Variants in PCDHA7 observed in about 807,000 individuals in gnomAD.
PCDHA7 encodes the protein protocadherin alpha 7.
PCDHA7 carries 37 observed loss-of-function variants against 57.2 expected under a neutral mutation model. The observed-to-expected ratio is 0.65, with a 90% CI of 0.50 to 0.85. The LOEUF is 0.85. Among genes scored for constraint, PCDHA7 ranks in the 40% least tolerant of loss-of-function variants. The pLI is 0.00. For missense variants in PCDHA7, 1,188 were observed against 1,241.8 expected, an observed-to-expected ratio of 0.96 and a Z score of 0.65; for synonymous variants, 553 against 558.8, an observed-to-expected ratio of 0.99 and a Z score of 0.15.
At position 140,845,398 on chromosome 5, in the gene PCDHA7, G is replaced by A. The variant is rs1272388366; in HGVS notation, c.2355+8660G>A. Among the ~76,000 whole-genome samples the A allele has an allele frequency of 2.0e-5, 3 of 149,302 alleles. 1 individual carries two copies. The highest frequency in any genetic ancestry group is 4.5e-5 in the Non-Finnish European group (3 of 66,780). ...ATAGGAGGATTCTTTCCACCACCTA[G>A]CATTGTATTTGGCAATTTATCATTT... On this transcript the variant is annotated intron_variant, in intron 1 of 3. Coordinates refer to ENST00000525929, the MANE Select transcript of PCDHA7 (RefSeq NM_018910.3).
chr5:140,842,888 C>G, intron 1 of PCDHA7: 1 of 1,593,820 alleles, frequency 6.3e-7, no homozygotes, highest in South Asian at 1.1e-5. Flanking sequence ...GCTGCAGCCG[C>G]TGGACCACGA....
chr5:140,895,225 G>GT, intron 1 of PCDHA7, among the ~76,000 whole-genome samples: 1 of 152,168 alleles, frequency 6.6e-6, no homozygotes, highest in African/African-American at 2.4e-5. Context: ...ATTTTACTGA[G>GT]TTTTCTCATC....
intron 1 of PCDHA7, among the ~76,000 whole-genome samples, chr5:140,896,197 T>G (rs911999135): frequency 2.0e-5 from 3 of 152,280 alleles, no homozygotes; most frequent in Non-Finnish European, 2.9e-5. Flanking sequence ...AGTGCCATGA[T>G]GAACATACAC....
At chr5:140,864,401 G>T (rs570935613) in intron 1 of PCDHA7, 2 of 152,328 alleles carry the variant, frequency 1.3e-5, no homozygotes, top group South Asian at 4.1e-4. Context: ...ATGGTGATGA[G>T]CAGGGTTGAG....
chr5:140,918,406 G>A (rs1382905411), intron 1 of PCDHA7, among the ~76,000 whole-genome samples: 2 of 152,076 alleles, frequency 1.3e-5, no homozygotes, highest in Non-Finnish European at 2.9e-5. Context: ...GATTTCTCTG[G>A]CCAGGACTTC....
chr5:140,981,185 T>C (rs2096921770), intron 2 of PCDHA7, among the ~76,000 whole-genome samples: 1 of 152,224 alleles, frequency 6.6e-6, no homozygotes. Flanking sequence ...TAGTTCAAGT[T>C]TGCCTGCTCT....
chr5:140,868,199 A>G (rs1367327575), intron 1 of PCDHA7: 2 of 152,150 alleles, frequency 1.3e-5, no homozygotes, highest in East Asian at 1.9e-4. Flanking sequence ...TATGGCTTAC[A>G]TTAGAAATAA....
chr5:140,906,192 C>G (rs2072444836), intron 1 of PCDHA7, among the ~76,000 whole-genome samples: 1 of 152,182 alleles, frequency 6.6e-6, no homozygotes, highest in Non-Finnish European at 1.5e-5. Context: ...TCAATCCAAT[C>G]AAGTTGACAC....
chr5:140,858,813 G>A, intron 1 of PCDHA7: 1 of 351,180 alleles, frequency 2.8e-6, no homozygotes, highest in South Asian at 3.4e-5. Flanking sequence ...ATTTTGATTT[G>A]ATTGTATTTG....
chr5:140,964,363 G>A (rs1050460842), intron 1 of PCDHA7, among the ~76,000 whole-genome samples: 1 of 152,188 alleles, frequency 6.6e-6, no homozygotes, highest in Non-Finnish European at 1.5e-5. Flanking sequence ...GATGACAAGA[G>A]TGCTGAAAGG....
chr5:140,851,342 C>G, intron 1 of PCDHA7: 1 of 978,740 alleles, frequency 1.0e-6, no homozygotes, highest in Non-Finnish European at 1.2e-6. Context: ...CTCTACATTT[C>G]TCTGGATGGA....
intron 1 of PCDHA7, among the ~76,000 whole-genome samples, chr5:140,886,739 T>C (rs1411142692): frequency 6.6e-6 from 1 of 151,488 alleles, no homozygotes; most frequent in Non-Finnish European, 1.5e-5. Context: ...AGCAAGAGAA[T>C]TGCTTGAACC....
At position 140,896,858 on chromosome 5, in the gene PCDHA7, A is replaced by T. The variant is rs1448787828; in HGVS notation, c.2355+60120A>T. On this transcript the variant is annotated intron_variant, in intron 1 of 3. Coordinates refer to ENST00000525929, the MANE Select transcript of PCDHA7 (RefSeq NM_018910.3). Reference sequence around the variant, plus strand: ...TATTTTTTAATTTTATGGGTACATAATAAGTGTACATATTTATGGGGTATA... The same window carrying T: ...TATTTTTTAATTTTATGGGTACATATTAAGTGTACATATTTATGGGGTATA... Among the ~76,000 whole-genome samples, 3 of 152,310 alleles carry T rather than the reference A, an allele frequency of 2.0e-5. No homozygotes were observed. In the South Asian group the frequency reaches 6.2e-4, roughly 32 times the overall value.
chr5:140,984,258 CA>C (rs1563514144), intron 3 of PCDHA7, among the ~76,000 whole-genome samples: 1 of 152,262 alleles, frequency 6.6e-6, no homozygotes, highest in East Asian at 1.9e-4. Context: ...TGGTAAGCCA[CA>C]AACTAACTTT....
At chr5:140,928,350 T>A in intron 1 of PCDHA7, 1 of 1,614,098 alleles carries the variant, frequency 6.2e-7, no homozygotes, top group Non-Finnish European at 8.5e-7. Context: ...AGCTGTTGGA[T>A]GTTATCTCTG....
intron 1 of PCDHA7, among the ~76,000 whole-genome samples, chr5:140,951,775 A>G (rs1554220072): frequency 1.3e-5 from 2 of 152,164 alleles, no homozygotes; most frequent in African/African-American, 4.8e-5. Context: ...ACGTTCTTAC[A>G]TTGCAAAATA....
chr5:140,963,175 T>C (rs1408160891), intron 1 of PCDHA7, among the ~76,000 whole-genome samples: 1 of 152,046 alleles, frequency 6.6e-6, no homozygotes, highest in East Asian at 1.9e-4. Context: ...ATCTTACAGA[T>C]ATGCTGTAGA....
chr5:141,009,315 C>G (rs1292643535), intron 3 of PCDHA7, among the ~76,000 whole-genome samples: 2 of 152,132 alleles, frequency 1.3e-5, no homozygotes, highest in Admixed American at 6.6e-5. Context: ...AAAAGCTAGC[C>G]TGGCATGGGA....
chr5:140,941,403 G>A lies in PCDHA7; in HGVS notation c.2356-37546G>A, dbSNP rs527986544. Among the ~76,000 whole-genome samples, 769 of 142,382 alleles carry A rather than the reference G, an allele frequency of 5.4e-3. 3 individuals carry two copies. The highest frequency in any genetic ancestry group is 0.019 in the African/African-American group (737 of 38,338). The allele number at this position is 142,382 out of a possible 152,430, so 93.4% of individuals were successfully genotyped here. On this transcript the variant is annotated intron_variant, in intron 1 of 3. Coordinates refer to ENST00000525929, the MANE Select transcript of PCDHA7 (RefSeq NM_018910.3). ...AGGATTTTGGCTCACTGCAACCTCC[G>A]CCTCCCGGGTTCAAGCAATTCTCTG...
Sources: allele counts gnomAD v4.1 joint callset (sites outside exome capture counted in the v4.1 genomes callset), GRCh38; gene constraint gnomAD v4.1.1; transcripts MANE v1.5; gene names NCBI Gene and HGNC (gene_info 2026-07-23, HGNC 2026-07-21).